Variants in C19orf38 observed in about 807,000 individuals in gnomAD.
C19orf38 encodes protein HIDE1.
C19orf38 carries 14 observed loss-of-function variants against 26.6 expected under a neutral mutation model. The observed-to-expected ratio is 0.53, with a 90% CI of 0.35 to 0.82. The LOEUF (loss-of-function observed/expected upper bound fraction) is 0.82. Among genes scored for constraint, C19orf38 ranks in the 40% least tolerant of loss-of-function variants. The probability of loss-of-function intolerance (pLI) is 0.01; values close to 1 mark genes in which losing one functional copy is unlikely to be tolerated. For missense variants in C19orf38, 261 were observed against 299.5 expected, an observed-to-expected ratio of 0.87 and a Z score of 0.95; for synonymous variants, 132 against 128.5, an observed-to-expected ratio of 1.03 and a Z score of -0.18.
chr19:10,867,232 A>G (rs969435944), intron 6 of C19orf38, among the ~76,000 whole-genome samples: 1 of 133,138 alleles, frequency 7.5e-6, no homozygotes, highest in Non-Finnish European at 1.7e-5. Context: ...ATCACATGAT[A>G]TTTTTCCTTT....
At chr19:10,868,808 G>A (rs978037580) in intron 6 of C19orf38, among the ~76,000 whole-genome samples, 1 of 152,192 alleles carries the variant, frequency 6.6e-6, no homozygotes, top group Non-Finnish European at 1.5e-5. Flanking sequence ...GCCCAACAGA[G>A]GAGATAATAT....
intron 6 of C19orf38, among the ~76,000 whole-genome samples, chr19:10,867,297 C>T (rs572746106): frequency 2.7e-5 from 4 of 150,590 alleles, no homozygotes; most frequent in African/African-American, 7.3e-5. Context: ...TCATGCCATA[C>T]GTAGCCTGTG....
Position 10,848,524 on chromosome 19 carries a change from T to A in C19orf38, c.16T>A (p.Leu6Met). Reference protein sequence around the residue: MPWTILLFAAGSLAIP... With the variant: MPWTIMLFAAGSLAIP... ...GCAGAGAGAGATGCCCTGGACCATC[T>A]TGCTCTTTGCAGCTGGTGAGTCTGA... The change falls in exon 1 of 7, where the codon TTG (leucine) becomes ATG (methionine). Residue 6 changes from leucine to methionine, a missense_variant. Leu to Met is a conservative substitution (Grantham distance 15). Coordinates refer to ENST00000397820, the MANE Select transcript of C19orf38 (RefSeq NM_001136482.3). 6.4e-7 allele frequency: 1 copy of A among 1,551,694 alleles called. No individual in the cohort carries two copies. The highest frequency in any genetic ancestry group is 8.7e-7 in the Non-Finnish European group (1 of 1,146,944).
chr19:10,859,376 ATATATATATTTTTT>A (rs1419914072), intron 4 of C19orf38, among the ~76,000 whole-genome samples: 3,341 of 42,202 alleles, frequency 0.079, 69 homozygotes, highest in Middle Eastern at 0.16. Flanking sequence ...ATATATATAT[ATATATATATTTTTT>A]TTTTTTTTTT....
upstream of C19orf38, among the ~76,000 whole-genome samples, chr19:10,844,993 C>CAA (rs57500129): frequency 3.1e-5 from 3 of 95,820 alleles, no homozygotes; most frequent in African/African-American, 7.8e-5. Context: ...CCTTTCTCTA[C>CAA]AAAAAAAAAA....
At chr19:10,848,659 T>G (rs983490563) in intron 1 of C19orf38, 120 bp downstream of exon 1, 11 of 945,170 alleles carry the variant, frequency 1.2e-5, no homozygotes, top group Non-Finnish European at 1.1e-5. Flanking sequence ...TCGAGGAGGC[T>G]GAGCCCTTGG....
upstream of C19orf38, among the ~76,000 whole-genome samples, chr19:10,844,813 A>C (rs2073503994): frequency 6.9e-6 from 1 of 145,598 alleles, no homozygotes; most frequent in Non-Finnish European, 1.5e-5. Context: ...GCGCCACTGC[A>C]CTCCAGCCTG....
chr19:10,852,721 C>T (rs1226328702), intron 2 of C19orf38, among the ~76,000 whole-genome samples: 1 of 151,972 alleles, frequency 6.6e-6, no homozygotes, highest in Non-Finnish European at 1.5e-5. Context: ...TGGGGAGAGG[C>T]GGGGCAGGGA....
In C19orf38 at chr19:10,856,507, T is replaced by TATTA. The variant is rs572991551; in HGVS notation, c.433+151_433+154dup. Reference sequence around the variant, plus strand: ...TTTTAAAAGTATTTATTTATTTATTTATTATTTTTCTTTTCAGACAGAGGC... The same window carrying TATTA: ...TTTTAAAAGTATTTATTTATTTATTTATTAATTATTTTTCTTTTCAGACAGAGGC... On this transcript the variant is annotated intron_variant, in intron 3 of 6. Transcript: ENST00000397820. The TATTA allele has an allele frequency of 4.4e-3, 2,120 of 476,884 alleles. 11 individuals are homozygous for TATTA. Among genetic ancestry groups the TATTA allele is most frequent in the Middle Eastern group, 0.011 (21 of 1,870 alleles). The allele number at this position is 476,884 out of a possible 1,614,324, so 29.5% of individuals were successfully genotyped here.
chr19:10,863,269 G>A (rs201684314), intron 6 of C19orf38, 62 bp downstream of exon 6: 2 of 1,502,682 alleles, frequency 1.3e-6, no homozygotes, highest in East Asian at 4.9e-5. Flanking sequence ...AGAACGGGGC[G>A]GGCTCAAGGG....
At position 10,850,415 on chromosome 19, in the gene C19orf38, C is replaced by T; in HGVS notation, c.188C>T (p.Ala63Val). The change falls in exon 2 of 7, where the codon GCC (alanine) becomes GTC (valine). Residue 63 changes from alanine (A) to valine (V), a missense_variant. Ala to Val is a moderately conservative substitution (Grantham distance 64, BLOSUM62 0). Transcript: ENST00000397820. ...GGGCAGGTGGTCCAGCTCCTGCAGG[C>T]CCCCACGGACCAGCGCGGGGTGACA... Reference protein sequence around the residue: ...RGGQVVQLLQAPTDQRGVTFN... With the variant: ...RGGQVVQLLQVPTDQRGVTFN... The T allele has an allele frequency of 1.9e-6, 3 of 1,550,776 alleles. No homozygotes were observed. The highest frequency in any genetic ancestry group is 2.6e-6 in the Non-Finnish European group (3 of 1,146,450).
At chr19:10,847,547 G>A (rs2146247152), upstream of C19orf38, among the ~76,000 whole-genome samples, 1 of 151,242 alleles carries the variant, frequency 6.6e-6, no homozygotes, top group Non-Finnish European at 1.5e-5. Context: ...CTAATTTTTT[G>A]TATATAGTAG....
At chr19:10,866,345 C>A (rs1003068162) in intron 6 of C19orf38, among the ~76,000 whole-genome samples, 6 of 150,346 alleles carry the variant, frequency 4.0e-5, no homozygotes, top group Non-Finnish European at 7.4e-5. Flanking sequence ...CGAGCGCCAG[C>A]ATGCCCAGCT....
chr19:10,859,882 A>C (rs8100581), intron 4 of C19orf38, 33 bp from the exon 5 acceptor site: 1 of 1,548,318 alleles, frequency 6.5e-7, no homozygotes. Context: ...GGCAACCCTG[A>C]TCCCTGTCAC....
Position 10,856,290 on chromosome 19 carries a change from C to G in C19orf38, c.366C>G (p.Ser122=). ...FPVPTWILVL[S]LSLAGALFLL... is the part of the protein sequence containing the mutation. ...TGCCCACTTGGATCTTGGTGCTCTC[C>G]CTGAGCCTGGCTGGTGCCCTCTTCC... The change falls in exon 3 of 7, where the codon TCC becomes TCG. Residue 122 remains serine (S), a synonymous_variant. Coordinates refer to ENST00000397820, the MANE Select transcript of C19orf38 (RefSeq NM_001136482.3). 6.4e-7 allele frequency: 1 copy of G among 1,551,236 alleles called. No individual in the cohort carries two copies. The highest frequency in any genetic ancestry group is 1.2e-5 in the South Asian group (1 of 84,042).
At chr19:10,840,589 G>A (rs996718185) in intron 1 of C19orf38, among the ~76,000 whole-genome samples, 1 of 152,176 alleles carries the variant, frequency 6.6e-6, no homozygotes, top group African/African-American at 2.4e-5. Flanking sequence ...TACCATCTTG[G>A]CTCACTTCAA....
Position 10,862,625 on chromosome 19 carries a change from T to G in C19orf38, c.506-545T>G, listed in dbSNP as rs183480794. On this transcript the variant is annotated intron_variant, in intron 5 of 6. Coordinates refer to ENST00000397820, the MANE Select transcript of C19orf38 (RefSeq NM_001136482.3). The stretch of plus-strand genomic sequence containing the variant: ...CAGGCAGATCTCTTGGGGCAAGGAG[T>G]TCAAGACCAACCTGGCCAACATGGT... Among the ~76,000 whole-genome samples, 260 of 151,042 alleles carry G rather than the reference T, an allele frequency of 1.7e-3. 2 individuals carry two copies. The highest frequency in any genetic ancestry group is 6.1e-3 in the African/African-American group (251 of 41,170).
chr19:10,857,355 TA>T (rs2073637527), intron 3 of C19orf38, among the ~76,000 whole-genome samples: 2 of 82,872 alleles, frequency 2.4e-5, no homozygotes, highest in Non-Finnish European at 4.1e-5. Context: ...TATATATATA[TA>T]TATATATATA....
intron 4 of C19orf38, 78 bp downstream of exon 4, chr19:10,858,421 GCCCCCCACAAA>G: frequency 7.3e-7 from 1 of 1,377,178 alleles, no homozygotes; most frequent in Non-Finnish European, 9.9e-7. Context: ...GGCACTCCAT[GCCCCCCACAAA>G]CAGCGCCTCC....
Sources: gnomAD v4.1 joint callset for allele counts (sites outside exome capture counted in the v4.1 genomes callset) on GRCh38, gnomAD v4.1.1 for gene constraint, MANE v1.5 for transcripts, NCBI Gene and HGNC (gene_info 2026-07-23, HGNC 2026-07-21) for gene names.